Variants in PTPRJ observed in about 807,000 individuals in gnomAD.
The protein encoded by PTPRJ is protein tyrosine phosphatase receptor type J.
Under a neutral mutation model 141.3 loss-of-function variants are expected in PTPRJ, and 129 were observed. The observed-to-expected ratio is 0.91, with a 90% CI of 0.79 to 1.06. The LOEUF is 1.06. Ranked by LOEUF, PTPRJ falls within the 50% of genes least tolerant of loss-of-function variation. The pLI is 0.00. For missense variants in PTPRJ, 1,601 were observed against 1,679.7 expected, an observed-to-expected ratio of 0.95 and a Z score of 0.82; for synonymous variants, 610 against 640.5, an observed-to-expected ratio of 0.95 and a Z score of 0.72.
chr11:48,004,056 T>A (rs1263352879), intron 1 of PTPRJ, among the ~76,000 whole-genome samples: 1 of 152,236 alleles, frequency 6.6e-6, no homozygotes, highest in Non-Finnish European at 1.5e-5. Context: ...CCTAGTTGTA[T>A]GCAACCTGAC....
At chr11:48,043,029 C>G (rs181446554) in intron 1 of PTPRJ, among the ~76,000 whole-genome samples, 2 of 152,168 alleles carry the variant, frequency 1.3e-5, no homozygotes, top group Middle Eastern at 3.4e-3. Flanking sequence ...AGAATTGTAG[C>G]TGGTAGGCTG....
At chr11:47,984,481 T>C (rs901036352) in intron 1 of PTPRJ, among the ~76,000 whole-genome samples, 3 of 152,336 alleles carry the variant, frequency 2.0e-5, no homozygotes, top group Middle Eastern at 6.8e-3. Context: ...TGACAGGCAC[T>C]GTGTGCTAAG....
At chr11:48,006,159 T>C (rs1349344013) in intron 1 of PTPRJ, among the ~76,000 whole-genome samples, 3 of 152,204 alleles carry the variant, frequency 2.0e-5, no homozygotes, top group Non-Finnish European at 4.4e-5. Flanking sequence ...GAGAGTGGGT[T>C]GGACTCTTGG....
At chr11:48,134,805 G>A (rs892725822) in intron 8 of PTPRJ, among the ~76,000 whole-genome samples, 1 of 152,264 alleles carries the variant, frequency 6.6e-6, no homozygotes, top group East Asian at 1.9e-4. Context: ...GGAGATGATC[G>A]GAGGATGGGC....
chr11:48,167,198 T>C lies in PTPRJ; in HGVS notation c.3856-6T>C. On this transcript the variant is annotated splice_polypyrimidine_tract_variant and splice_region_variant and intron_variant, in intron 24 of 24. Transcript: ENST00000418331. ...TTTCTGTCTCTCTCTTTCGTTTTTC[T>C]ATCAGGACCAGTATGTTTTCCTCAA... The C allele has an allele frequency of 6.2e-7, 1 of 1,600,888 alleles. No individual in the cohort carries two copies. The highest frequency in any genetic ancestry group is 8.5e-7 in the Non-Finnish European group (1 of 1,173,736).
At chr11:48,162,603 A>C (rs1250424334) in intron 22 of PTPRJ, among the ~76,000 whole-genome samples, 3 of 152,242 alleles carry the variant, frequency 2.0e-5, no homozygotes, top group Non-Finnish European at 4.4e-5. Flanking sequence ...TATACATTTC[A>C]AAAAATGAGT....
chr11:48,117,101 C>G (rs1856585887), intron 3 of PTPRJ, among the ~76,000 whole-genome samples: 2 of 152,106 alleles, frequency 1.3e-5, no homozygotes, highest in South Asian at 2.1e-4. Flanking sequence ...TGCCCCTGAA[C>G]AATCAATGGG....
In PTPRJ at chr11:48,142,919, A is replaced by G; in HGVS notation, c.2444A>G (p.Asp815Gly). The G allele has an allele frequency of 6.2e-7, 1 of 1,612,920 alleles. No homozygotes were observed. The highest frequency in any genetic ancestry group is 8.5e-7 in the Non-Finnish European group (1 of 1,179,424). The change falls in exon 12 of 25, where the codon GAT (aspartate) becomes GGT (glycine). Residue 815 changes from aspartate to glycine, a missense_variant and splice_region_variant. Asp to Gly is a moderately conservative substitution (Grantham distance 94). Transcript: ENST00000418331. ...TRNTCTTGIT[D>G]PPPPDGSPNI... The stretch of plus-strand genomic sequence containing the variant: ...CATGTTTTGTTTTGTTTTGTTTTAG[A>G]TCCCCCTCCTCCAGATGGATCCCCT...
intron 1 of PTPRJ, among the ~76,000 whole-genome samples, chr11:48,071,607 C>CATT (rs777790920): frequency 2.4e-5 from 2 of 82,446 alleles, no homozygotes; most frequent in South Asian, 5.4e-4. Context: ...CGCACCCAGC[C>CATT]TTTTTTTTTT....
chr11:48,153,893 T>C lies in PTPRJ; in HGVS notation c.3229+7T>C, dbSNP rs766001614. On this transcript the variant is annotated splice_region_variant and intron_variant, in intron 19 of 24. Coordinates refer to ENST00000418331, the MANE Select transcript of PTPRJ (RefSeq NM_002843.4). ...TATAATAATGTTCTGCCCTGTAAGT[T>C]ATTTTATCTACAGCATCTTCTCTGT... The C allele has an allele frequency of 1.0e-5, 16 of 1,579,994 alleles. No individual in the cohort carries two copies. The African/African-American group carries it at 1.3e-4, about 13-fold the overall frequency.
chr11:48,024,823 C>A (rs1853762261), intron 1 of PTPRJ, among the ~76,000 whole-genome samples: 1 of 152,248 alleles, frequency 6.6e-6, no homozygotes, highest in African/African-American at 2.4e-5. Flanking sequence ...CTCCCCAGGC[C>A]TAGCAAAGGC....
At chr11:48,040,609 C>CTTTTTTTTTTTTTTTT (rs371103069) in intron 1 of PTPRJ, among the ~76,000 whole-genome samples, 1 of 146,042 alleles carries the variant, frequency 6.8e-6, no homozygotes, top group African/African-American at 2.7e-5. Flanking sequence ...TCTTCTTCTT[C>CTTTTTTTTTTTTTTTT]TTCTTTTTTT....
chr11:48,065,241 C>T (rs913749850), intron 1 of PTPRJ, among the ~76,000 whole-genome samples: 2 of 151,738 alleles, frequency 1.3e-5, no homozygotes, highest in South Asian at 4.2e-4. Context: ...CTCGAACTCC[C>T]GACCTCAGGT....
chr11:47,997,355 T>A (rs1630025), intron 1 of PTPRJ, among the ~76,000 whole-genome samples: 8,043 of 152,310 alleles, frequency 0.053, 682 homozygotes, highest in African/African-American at 0.18. Flanking sequence ...TCTCATGGGA[T>A]TGGCCTCATG....
At chr11:48,049,336 C>A (rs1854491248) in intron 1 of PTPRJ, among the ~76,000 whole-genome samples, 1 of 151,814 alleles carries the variant, frequency 6.6e-6, no homozygotes, top group Admixed American at 6.6e-5. Flanking sequence ...CCATTTCAAA[C>A]CCTAAGCCAG....
At chr11:48,004,712 G>T (rs1223266608) in intron 1 of PTPRJ, among the ~76,000 whole-genome samples, 4 of 152,182 alleles carry the variant, frequency 2.6e-5, no homozygotes, top group African/African-American at 9.6e-5. Context: ...CTGGGCAAAT[G>T]CAGGGTGTTT....
chr11:48,026,135 T>C (rs1432999870), intron 1 of PTPRJ, among the ~76,000 whole-genome samples: 3 of 152,226 alleles, frequency 2.0e-5, no homozygotes, highest in Admixed American at 6.5e-5. Context: ...GAAAGGTCTG[T>C]CTTCCTTGGT....
intron 12 of PTPRJ, among the ~76,000 whole-genome samples, chr11:48,144,067 C>T (rs1254073870): frequency 6.6e-6 from 1 of 151,910 alleles, no homozygotes; most frequent in African/African-American, 2.4e-5. Flanking sequence ...TTCCTCTGCC[C>T]ACTCTCTCCT....
chr11:48,106,384 C>T (rs970368935), intron 1 of PTPRJ, among the ~76,000 whole-genome samples: 1 of 152,170 alleles, frequency 6.6e-6, no homozygotes, highest in African/African-American at 2.4e-5. Context: ...TGTTTCTCAG[C>T]CCTAGGATGA....
Sources: allele counts gnomAD v4.1 joint callset (sites outside exome capture counted in the v4.1 genomes callset), GRCh38; gene constraint gnomAD v4.1.1; transcripts MANE v1.5; gene names NCBI Gene and HGNC (gene_info 2026-07-23, HGNC 2026-07-21).